ZNRF2: variants seen among roughly 807,000 people sequenced by gnomAD.
ZNRF2 encodes zinc and ring finger 2, also known as E3 ubiquitin-protein ligase ZNRF2.
ZNRF2 carries 16 observed loss-of-function variants against 20.4 expected under a neutral mutation model. That is an observed-to-expected ratio of 0.79 (90% CI 0.53 to 1.19). The LOEUF is 1.19. ZNRF2 is among the 50% of genes most tolerant of loss of function. ZNRF2 has a pLI of 0.00. For missense variants in ZNRF2, 363 were observed against 332.4 expected (o/e 1.09, Z -0.72); for synonymous variants, 178 against 144.9 (o/e 1.23, Z -1.64).
intron 1 of ZNRF2, among the ~76,000 whole-genome samples, chr7:30,297,652 T>G (rs1161731607): frequency 6.6e-6 from 1 of 152,176 alleles, no homozygotes; most frequent in Non-Finnish European, 1.5e-5. Flanking sequence ...GAAAATTTCA[T>G]TATTACATGT....
chr7:30,366,502 A>G lies in ZNRF2; in HGVS notation c.*490A>G, dbSNP rs1357028749. ...TCTTAAATTGAAAAACATATAATTT[A>G]CTTCTTATAAATTGAAGTCTTAAAT... On this transcript the variant is annotated 3_prime_UTR_variant, in exon 5 of 5. Coordinates refer to ENST00000323037, the MANE Select transcript of ZNRF2 (RefSeq NM_147128.4). The G allele has an allele frequency of 2.0e-5, 3 of 152,526 alleles. No homozygotes were observed. The highest frequency in any genetic ancestry group is 1.5e-5 in the Non-Finnish European group (1 of 67,986). The allele number at this position is 152,526 out of a possible 1,614,324, so 9.4% of individuals were successfully genotyped here. A position where few individuals can be genotyped will look rare whatever the true frequency, so the allele number is the denominator to read the frequency against.
In ZNRF2 at chr7:30,355,728, A is replaced by C. The variant is rs1435544394; in HGVS notation, c.566A>C (p.Glu189Ala). 6.2e-7 allele frequency: 1 copy of C among 1,607,972 alleles called. No homozygotes were observed. The highest frequency in any genetic ancestry group is 8.5e-7 in the Non-Finnish European group (1 of 1,175,208). Residue 189 changes from glutamate to alanine, a missense_variant and splice_region_variant, in exon 3 of 5, where the codon GAG becomes GCG. Glu to Ala is a moderately radical substitution (Grantham distance 107). This residue lies in a region of ZNRF2 where 61 missense variants were observed against 100.9 expected (regional missense o/e 0.60). Coordinates refer to ENST00000323037, the MANE Select transcript of ZNRF2 (RefSeq NM_147128.4). The part of the protein sequence containing the change: ...CLTKPRITYN[E>A]DVLSKDAGEC... ...CTGAATTCATTTTCTCTTTCTTCAG[A>C]GGATGTACTGAGTAAAGATGCTGGG... is the stretch of plus-strand genomic sequence containing the variant.
chr7:30,286,899 G>A (rs1263362167), intron 1 of ZNRF2, among the ~76,000 whole-genome samples: 2 of 152,156 alleles, frequency 1.3e-5, no homozygotes, highest in East Asian at 1.9e-4. Flanking sequence ...ATTTGTAAAC[G>A]TAGGAACTTT....
chr7:30,336,543 A>G lies in ZNRF2; in HGVS notation c.565+12806A>G, dbSNP rs1329933618. 2.0e-5 allele frequency among the ~76,000 whole-genome samples: 3 copies of G among 152,150 alleles called. No homozygotes were observed. In the East Asian group the frequency reaches 5.8e-4, roughly 29 times the overall value. The stretch of plus-strand genomic sequence containing the variant: ...TAATGAAAGTATTGTAGGCATAGAG[A>G]TGTTTTTCTTATAGCTTTAGTTATC... On this transcript the variant is annotated intron_variant, in intron 2 of 4. Transcript: ENST00000323037.
Position 30,308,242 on chromosome 7 carries a change from T to A in ZNRF2, c.470-15400T>A, listed in dbSNP as rs78987054. ...AAGATTCATTTATACTGTGTGTAGTTCATCATTCTGTAGTTTAAAGTTTAT... is the reference window on the plus strand; with the variant it reads ...AAGATTCATTTATACTGTGTGTAGTACATCATTCTGTAGTTTAAAGTTTAT... On this transcript the variant is annotated intron_variant, in intron 1 of 4. Transcript: ENST00000323037. 3.9e-3 allele frequency among the ~76,000 whole-genome samples: 597 copies of A among 152,324 alleles called. 7 individuals carry two copies. Among genetic ancestry groups the A allele is most frequent in the East Asian group, 0.034 (177 of 5,188 alleles).
At chr7:30,342,416 A>G (rs1003698657) in intron 2 of ZNRF2, among the ~76,000 whole-genome samples, 1 of 152,126 alleles carries the variant, frequency 6.6e-6, no homozygotes, top group Non-Finnish European at 1.5e-5. Flanking sequence ...CTTGTAAGAC[A>G]GGCGTGGTGA....
At chr7:30,306,430 G>A (rs1045230926) in intron 1 of ZNRF2, among the ~76,000 whole-genome samples, 1 of 152,060 alleles carries the variant, frequency 6.6e-6, no homozygotes, top group African/African-American at 2.4e-5. Context: ...AATAAAAGCT[G>A]TTGAAACAAA....
At chr7:30,311,816 G>A (rs1369812790) in intron 1 of ZNRF2, among the ~76,000 whole-genome samples, 1 of 152,054 alleles carries the variant, frequency 6.6e-6, no homozygotes, top group East Asian at 1.9e-4. Context: ...TTTTATCTAC[G>A]TAAACGTTAC....
chr7:30,316,180 T>C (rs967045311), intron 1 of ZNRF2, among the ~76,000 whole-genome samples: 3 of 147,776 alleles, frequency 2.0e-5, no homozygotes, highest in African/African-American at 7.5e-5. Context: ...CCCAGCTACT[T>C]GGGATGCTGA....
chr7:30,315,547 A>AT lies in ZNRF2; in HGVS notation c.470-8092dup, dbSNP rs1256671079. ...TAGAGTGGATGTTCCCTTAGAGTGC[A>AT]TTTGCATTCTCACAAAGTTGAGTCT... On this transcript the variant is annotated intron_variant, in intron 1 of 4. Coordinates refer to ENST00000323037, the MANE Select transcript of ZNRF2 (RefSeq NM_147128.4). Among the ~76,000 whole-genome samples, 6 of 152,122 alleles carry AT rather than the reference A, an allele frequency of 3.9e-5. No individual in the cohort carries two copies. The East Asian group carries it at 1.2e-3, about 29-fold the overall frequency.
chr7:30,293,158 C>T lies in ZNRF2; in HGVS notation c.469+7332C>T, dbSNP rs180786392. Among the ~76,000 whole-genome samples the T allele has an allele frequency of 9.1e-3, 1,376 of 151,770 alleles. 14 individuals carry two copies. The highest frequency in any genetic ancestry group is 0.014 in the Admixed American group (207 of 15,248). On this transcript the variant is annotated intron_variant, in intron 1 of 4. Transcript: ENST00000323037. ...AAAATGAAGAGTCAAGGATTTATTTCGTTGTTCCTTATGGTTGAGCATTTT... is the reference window on the plus strand; with the variant it reads ...AAAATGAAGAGTCAAGGATTTATTTTGTTGTTCCTTATGGTTGAGCATTTT...
chr7:30,314,171 A>C (rs907571255), intron 1 of ZNRF2, among the ~76,000 whole-genome samples: 7 of 152,232 alleles, frequency 4.6e-5, no homozygotes, highest in African/African-American at 1.7e-4. Flanking sequence ...AATTCAAACA[A>C]ATTTAAAAGA....
At position 30,285,215 on chromosome 7, in the gene ZNRF2, A is replaced by G. The variant is rs953429132; in HGVS notation, c.-143A>G. On this transcript the variant is annotated 5_prime_UTR_variant, in exon 1 of 5. Transcript: ENST00000323037. ...CGCCGGGCGCCGACTGCCCCTCTGGACGCCGGGCGGCGGCCCTGGACGTGC... is the reference window on the plus strand; with the variant it reads ...CGCCGGGCGCCGACTGCCCCTCTGGGCGCCGGGCGGCGGCCCTGGACGTGC... The G allele has an allele frequency of 1.7e-6, 1 of 596,852 alleles. No homozygotes were observed. Among genetic ancestry groups the G allele is most frequent in the Non-Finnish European group, 2.4e-6 (1 of 425,098 alleles). 37.0% of individuals were successfully genotyped at this position (596,852 alleles called of 1,614,324 possible). A position where few individuals can be genotyped will look rare whatever the true frequency, so the allele number is the denominator to read the frequency against.
intron 4 of ZNRF2, among the ~76,000 whole-genome samples, chr7:30,363,370 C>T (rs953712703): frequency 2.6e-5 from 4 of 152,146 alleles, no homozygotes; most frequent in Non-Finnish European, 5.9e-5. Context: ...CATTACTGTT[C>T]CTATTACGCA....
At chr7:30,363,374 T>C (rs985626627) in intron 4 of ZNRF2, among the ~76,000 whole-genome samples, 1 of 152,234 alleles carries the variant, frequency 6.6e-6, no homozygotes, top group African/African-American at 2.4e-5. Flanking sequence ...ACTGTTCCTA[T>C]TACGCAGATG....
At chr7:30,329,178 A>G (rs1443591099) in intron 2 of ZNRF2, among the ~76,000 whole-genome samples, 1 of 152,162 alleles carries the variant, frequency 6.6e-6, no homozygotes, top group African/African-American at 2.4e-5. Flanking sequence ...ATAATAGTAC[A>G]TTTATAGGGG....
chr7:30,350,232 C>T (rs929521366), intron 2 of ZNRF2, among the ~76,000 whole-genome samples: 1 of 151,836 alleles, frequency 6.6e-6, no homozygotes, highest in Non-Finnish European at 1.5e-5. Flanking sequence ...ATTTTCTTGG[C>T]GAATTCACCG....
chr7:30,345,877 T>C (rs1799868655), intron 2 of ZNRF2, among the ~76,000 whole-genome samples: 1 of 152,178 alleles, frequency 6.6e-6, no homozygotes, highest in South Asian at 2.1e-4. Flanking sequence ...GCGTTACAGT[T>C]CCAGATACAG....
intron 3 of ZNRF2, among the ~76,000 whole-genome samples, chr7:30,361,538 C>T (rs1023662187): frequency 6.6e-5 from 10 of 152,162 alleles, no homozygotes; most frequent in Non-Finnish European, 1.3e-4. Flanking sequence ...AACTTGCTAG[C>T]TGTTAGGCAA....
Sources: allele counts gnomAD v4.1 joint callset (sites outside exome capture counted in the v4.1 genomes callset), GRCh38; gene constraint gnomAD v4.1.1; regional missense constraint gnomAD v4.1.1; transcripts MANE v1.5; gene names NCBI Gene and HGNC (gene_info 2026-07-23, HGNC 2026-07-21).